Variants in APIP observed in about 807,000 individuals in gnomAD.
The protein encoded by APIP is methylthioribulose-1-phosphate dehydratase.
APIP carries 32 observed loss-of-function variants against 32.0 expected under a neutral mutation model. The ratio of observed to expected loss-of-function variants is 1.00; its 90% CI spans 0.76 to 1.34. APIP has a LOEUF of 1.34. Among genes scored for constraint, APIP ranks in the 40% most tolerant of loss-of-function variants. APIP has a pLI of 0.00. For missense variants in APIP, 247 were observed against 298.6 expected, an observed-to-expected ratio of 0.83 and a Z score of 1.27; for synonymous variants, 92 against 94.8, an observed-to-expected ratio of 0.97 and a Z score of 0.17.
chr11:34,894,128 ACTTT>A (rs1398392495), intron 2 of APIP, among the ~76,000 whole-genome samples: 1 of 152,190 alleles, frequency 6.6e-6, no homozygotes, highest in Non-Finnish European at 1.5e-5. Context: ...ACTAATACTT[ACTTT>A]ATTTCTTCAT....
chr11:34,893,411 T>A (rs1853211068), intron 2 of APIP, among the ~76,000 whole-genome samples: 1 of 152,218 alleles, frequency 6.6e-6, no homozygotes, highest in Non-Finnish European at 1.5e-5. Context: ...GCATTTAGAA[T>A]ATGATTTATT....
intron 1 of APIP, among the ~76,000 whole-genome samples, chr11:34,907,739 A>G (rs191145114): frequency 1.2e-4 from 18 of 152,376 alleles, no homozygotes; most frequent in African/African-American, 4.3e-4. Context: ...TGAAATGTGT[A>G]TCTAAAGATT....
chr11:34,888,190 T>A, intron 5 of APIP, 103 bp downstream of exon 5: 1 of 1,109,242 alleles, frequency 9.0e-7, no homozygotes, highest in Non-Finnish European at 1.2e-6. Flanking sequence ...TTAACACAGA[T>A]CCCACGACAT....
At chr11:34,887,830 T>C (rs975817104) in intron 5 of APIP, among the ~76,000 whole-genome samples, 2 of 152,096 alleles carry the variant, frequency 1.3e-5, no homozygotes, top group Non-Finnish European at 2.9e-5. Context: ...CCTTAAACAC[T>C]GAAAAATTCT....
Position 34,894,487 on chromosome 11 carries a change from AC to A in APIP, c.158+522del, listed in dbSNP as rs751937425. ...CTCTACAAAAAAAAAAAAAAAAAAA[AC>A]CCCAGAAAAAATTAGCCAGGCGTGG... is the stretch of plus-strand genomic sequence containing the variant. On this transcript the variant is annotated intron_variant, in intron 2 of 6. Coordinates refer to ENST00000395787, the MANE Select transcript of APIP (RefSeq NM_015957.4). Among the ~76,000 whole-genome samples, 468 of 148,852 alleles carry A rather than the reference AC, an allele frequency of 3.1e-3. 4 individuals carry two copies. Among genetic ancestry groups the A allele is most frequent in the African/African-American group, 0.011 (443 of 40,226 alleles).
At chr11:34,904,679 A>G (rs928452732) in intron 1 of APIP, among the ~76,000 whole-genome samples, 49 of 152,196 alleles carry the variant, frequency 3.2e-4, no homozygotes, top group Non-Finnish European at 6.3e-4. Flanking sequence ...TGGTACTTGT[A>G]AAGGCTCTCC....
At position 34,893,255 on chromosome 11, in the gene APIP, C is replaced by G. The variant is rs1225173404; in HGVS notation, c.158+1755G>C. On this transcript the variant is annotated intron_variant, in intron 2 of 6. Coordinates refer to ENST00000395787, the MANE Select transcript of APIP (RefSeq NM_015957.4). Reference sequence around the variant, plus strand: ...TGATCAAAAATATTTCATCTTGAGTCCTGCATTCACCTATTTTTAACTTTG... The same window carrying G: ...TGATCAAAAATATTTCATCTTGAGTGCTGCATTCACCTATTTTTAACTTTG... 2.0e-5 allele frequency among the ~76,000 whole-genome samples: 3 copies of G among 152,076 alleles called. No individual in the cohort carries two copies. The East Asian group carries it at 5.8e-4, about 29-fold the overall frequency.
At position 34,883,365 on chromosome 11, in the gene APIP, C is replaced by T; in HGVS notation, c.601G>A (p.Gly201Arg). ...LVRRHGVYVW[G>R]ETWEKAKTMC... ...GTTTTGGCCTTCTCCCATGTTTCCC[C>T]CCACACATATACTCCATGACGTCTG... The change falls in exon 6 of 7, where the codon GGG becomes AGG. Residue 201 changes from glycine (G) to arginine (R), a missense_variant. By Grantham distance (125) the Gly-to-Arg change is moderately radical. Coordinates refer to ENST00000395787, the MANE Select transcript of APIP (RefSeq NM_015957.4). 1 of 1,611,912 alleles carries T rather than the reference C, an allele frequency of 6.2e-7. No homozygotes were observed. The highest frequency in any genetic ancestry group is 8.5e-7 in the Non-Finnish European group (1 of 1,179,264).
intron 5 of APIP, among the ~76,000 whole-genome samples, chr11:34,884,207 T>C (rs1362178642): frequency 6.6e-6 from 1 of 152,234 alleles, no homozygotes; most frequent in Non-Finnish European, 1.5e-5. Context: ...CCTTTTTACA[T>C]GAATTTCTCT....
intron 1 of APIP, among the ~76,000 whole-genome samples, chr11:34,899,829 G>GC (rs1853345914): frequency 6.6e-6 from 1 of 152,162 alleles, no homozygotes; most frequent in Admixed American, 6.6e-5. Context: ...GTTGGGGGAC[G>GC]CCCCCACTGT....
At chr11:34,906,065 C>T (rs1853447331) in intron 1 of APIP, among the ~76,000 whole-genome samples, 1 of 152,142 alleles carries the variant, frequency 6.6e-6, no homozygotes, top group South Asian at 2.1e-4. Flanking sequence ...AAGGATGCCC[C>T]TATTATATGT....
rs192003760 is a variant in APIP at position 34,906,714 on chromosome 11, C to T, written c.57+9514G>A. Among the ~76,000 whole-genome samples, 476 of 152,230 alleles carry T rather than the reference C, an allele frequency of 3.1e-3. 3 individuals are homozygous for T. The highest frequency in any genetic ancestry group is 5.5e-3 in the Non-Finnish European group (375 of 68,004). ...TTCTGGATTAACACCTCTAGTAAAG[C>T]AGAGGAAAATCTACAGCTACCTAAA... On this transcript the variant is annotated intron_variant, in intron 1 of 6. Coordinates refer to ENST00000395787, the MANE Select transcript of APIP (RefSeq NM_015957.4).
intron 4 of APIP, 61 bp downstream of exon 4, chr11:34,888,691 C>T (rs1438457049): frequency 5.5e-6 from 7 of 1,281,934 alleles, no homozygotes; most frequent in Non-Finnish European, 7.5e-6. Flanking sequence ...ATAATAATTA[C>T]CATTATTTAG....
intron 1 of APIP, among the ~76,000 whole-genome samples, chr11:34,901,609 C>G (rs1853371424): frequency 6.6e-6 from 1 of 152,180 alleles, no homozygotes; most frequent in South Asian, 2.1e-4. Context: ...ATATTTTTCT[C>G]AACCTCTTAC....
chr11:34,883,120 C>T (rs1269873048), intron 6 of APIP, among the ~76,000 whole-genome samples: 1 of 152,068 alleles, frequency 6.6e-6, no homozygotes, highest in Non-Finnish European at 1.5e-5. Flanking sequence ...ACTTTTGTAA[C>T]TTGGGATCTG....
rs1485700840 is a variant in APIP at position 34,898,785 on chromosome 11, GGTTTTTTTTTTTTTTT to G, written c.58-3691_58-3676del. On this transcript the variant is annotated intron_variant, in intron 1 of 6. Transcript: ENST00000395787. Reference sequence around the variant, plus strand: ...GCGAGCACATAGTATTTCTTTCTTTGGTTTTTTTTTTTTTTTTTTTTTTTTTTTTTTGAGGCAGAGT... The same window carrying G: ...GCGAGCACATAGTATTTCTTTCTTTGTTTTTTTTTTTTTTTGAGGCAGAGT... Among the ~76,000 whole-genome samples, 446 of 92,092 alleles carry G rather than the reference GGTTTTTTTTTTTTTTT, an allele frequency of 4.8e-3. 17 individuals carry two copies. Among genetic ancestry groups the G allele is most frequent in the African/African-American group, 0.019 (437 of 22,746 alleles). 60.4% of individuals were successfully genotyped at this position (92,092 alleles called of 152,430 possible).
At chr11:34,903,569 C>T (rs1003728921) in intron 1 of APIP, among the ~76,000 whole-genome samples, 7 of 152,154 alleles carry the variant, frequency 4.6e-5, no homozygotes, top group Admixed American at 4.6e-4. Flanking sequence ...AGGTTATTAT[C>T]CTCAGTTTTT....
chr11:34,896,633 G>C (rs1853276854), intron 1 of APIP: 1 of 444,080 alleles, frequency 2.3e-6, no homozygotes, highest in African/African-American at 2.1e-5. Context: ...ATGATGAGTT[G>C]AGGGGTGCAG....
intron 5 of APIP, among the ~76,000 whole-genome samples, chr11:34,883,869 A>G (rs1853014098): frequency 6.6e-6 from 1 of 152,220 alleles, no homozygotes; most frequent in Admixed American, 6.5e-5. Flanking sequence ...GAAGCATAGA[A>G]AAGATTAAAA....
Sources: allele counts gnomAD v4.1 joint callset (sites outside exome capture counted in the v4.1 genomes callset), GRCh38; gene constraint gnomAD v4.1.1; transcripts MANE v1.5; gene names NCBI Gene and HGNC (gene_info 2026-07-23, HGNC 2026-07-21).